HEATR6: variants seen among roughly 807,000 people sequenced by gnomAD.
The protein encoded by HEATR6 is HEAT repeat containing 6, also known as HEAT repeat-containing protein 6.
HEATR6 carries 106 observed loss-of-function variants against 132.8 expected under a neutral mutation model. The observed-to-expected ratio is 0.80, with a 90% CI of 0.68 to 0.94. The LOEUF (loss-of-function observed/expected upper bound fraction) is 0.94, where lower values mean the gene tolerates loss of function less well. HEATR6 is among the 40% of genes least tolerant of loss of function. HEATR6 has a pLI of 0.00. For missense variants in HEATR6, 1,339 were observed against 1,425.1 expected (o/e 0.94, Z 0.97); for synonymous variants, 529 against 537.8 (o/e 0.98, Z 0.23).
intron 8 of HEATR6, 150 bp downstream of exon 8, chr17:60,067,284 A>C (rs2083246668): frequency 2.2e-6 from 1 of 447,838 alleles, no homozygotes; most frequent in South Asian, 7.3e-5. Flanking sequence ...AAAAAAAAAA[A>C]AAAAAAGAGA....
chr17:60,068,868 A>G (rs747872875), intron 7 of HEATR6, among the ~76,000 whole-genome samples: 1 of 152,132 alleles, frequency 6.6e-6, no homozygotes, highest in African/African-American at 2.4e-5. Context: ...TTCTAATGAG[A>G]GAAACAATAA....
At position 60,067,653 on chromosome 17, in the gene HEATR6, A is replaced by G. The variant is rs747736995; in HGVS notation, c.1019T>C (p.Ile340Thr). The G allele has an allele frequency of 6.2e-6, 10 of 1,612,638 alleles. No individual in the cohort carries two copies. Among genetic ancestry groups the G allele is most frequent in the South Asian group, 1.1e-5 (1 of 90,854 alleles). The change falls in exon 8 of 20, where the codon ATA becomes ACA. Residue 340 changes from isoleucine to threonine, a missense_variant. Transcript: ENST00000184956. ...TGTGCCAGTGACTGGGGCTGCCTCT[A>G]TTTCACCACTGGATTCCTTTTCCTC... is the stretch of plus-strand genomic sequence containing the variant. ...EEEEKESSGE[I>T]EAAPVTGTGR...
chr17:60,048,183 C>A, intron 17 of HEATR6, 81 bp downstream of exon 17: 1 of 1,461,802 alleles, frequency 6.8e-7, no homozygotes, highest in Non-Finnish European at 9.3e-7. Context: ...ACTGCTGATT[C>A]TTTCATGGTA....
In HEATR6 at chr17:60,070,739, A is replaced by G. The variant is rs145515734; in HGVS notation, c.768T>C (p.Thr256=). 3 of 1,608,166 alleles carry G rather than the reference A, an allele frequency of 1.9e-6. No homozygotes were observed. The highest frequency in any genetic ancestry group is 2.7e-5 in the African/African-American group (2 of 74,788). The change falls in exon 6 of 20, where the codon ACT becomes ACC. Residue 256 remains threonine (T), a synonymous_variant. Coordinates refer to ENST00000184956, the MANE Select transcript of HEATR6 (RefSeq NM_022070.5). Reference sequence around the variant, plus strand: ...CAGCTAAAAGTGCTCCAAGTTCATCAGTCTGTGTTAGTTTCATTCTCCCAC... The same window carrying G: ...CAGCTAAAAGTGCTCCAAGTTCATCGGTCTGTGTTAGTTTCATTCTCCCAC... The part of the protein sequence containing the change: ...LNGGRMKLTQ[T]DELGALLAVL...
chr17:60,047,148 A>C (rs1906394785), intron 18 of HEATR6, among the ~76,000 whole-genome samples, 161 bp downstream of exon 18: 1 of 152,132 alleles, frequency 6.6e-6, no homozygotes, highest in African/African-American at 2.4e-5. Context: ...ACACGTGTGG[A>C]ATGGGCCATT....
intron 18 of HEATR6, 72 bp from the exon 19 acceptor site, chr17:60,046,301 T>TA (rs1906365795): frequency 2.4e-6 from 3 of 1,268,688 alleles, no homozygotes; most frequent in South Asian, 2.9e-5. Context: ...ATTTCAGCTT[T>TA]AAAAAAACCC....
intron 11 of HEATR6, among the ~76,000 whole-genome samples, chr17:60,058,996 A>G (rs908053131): frequency 2.0e-5 from 3 of 152,260 alleles, no homozygotes; most frequent in Non-Finnish European, 2.9e-5. Context: ...ATAACAATAA[A>G]GAAGTTAAAT....
At chr17:60,070,067 G>A (rs958035924) in intron 6 of HEATR6, among the ~76,000 whole-genome samples, 1 of 152,028 alleles carries the variant, frequency 6.6e-6, no homozygotes, top group Non-Finnish European at 1.5e-5. Context: ...GCCTCCAGCT[G>A]GATTTGGTTT....
intron 4 of HEATR6, 47 bp from the exon 5 acceptor site, chr17:60,072,376 T>C (rs2083273903): frequency 1.8e-6 from 2 of 1,117,748 alleles, no homozygotes; most frequent in African/African-American, 3.1e-5. Flanking sequence ...TCCTTTAAAA[T>C]GAGGCTTGCA....
chr17:60,067,589 G>A lies in HEATR6; in HGVS notation c.1083C>T (p.Pro361=). Reference sequence around the variant, plus strand: ...GCAAACTCTGGACACCCAGGGAGGAGGGACACCAAGTGTTCCCTTCATGCA... The same window carrying A: ...GCAAACTCTGGACACCCAGGGAGGAAGGACACCAAGTGTTCCCTTCATGCA... The part of the protein sequence containing the change: ...VNLHEGNTWC[P]SSLGVQSLPL... Residue 361 remains proline, a synonymous_variant, in exon 8 of 20, where the codon CCC becomes CCT. Transcript: ENST00000184956. The A allele has an allele frequency of 6.2e-7, 1 of 1,613,002 alleles. No homozygotes were observed. Among genetic ancestry groups the A allele is most frequent in the Non-Finnish European group, 8.5e-7 (1 of 1,179,578 alleles).
chr17:60,066,742 G>A (rs947582514), intron 8 of HEATR6, among the ~76,000 whole-genome samples: 1 of 152,158 alleles, frequency 6.6e-6, no homozygotes, highest in African/African-American at 2.4e-5. Flanking sequence ...CTATGTATGT[G>A]CCAGGCATCA....
In HEATR6 at chr17:60,057,076, G is replaced by C. The variant is rs143612411; in HGVS notation, c.2051C>G (p.Pro684Arg). Reference sequence around the variant, plus strand: ...TAAGGCCTCCAGTCGCATGGGGGATGGTTCGTAGGTGCTTCCTGCTGCAGA... The same window carrying C: ...TAAGGCCTCCAGTCGCATGGGGGATCGTTCGTAGGTGCTTCCTGCTGCAGA... ...AGSAAGSTYEPSPMRLEALQV... is the reference protein window; with the variant it reads ...AGSAAGSTYERSPMRLEALQV... The change falls in exon 12 of 20, where the codon CCA (proline) becomes CGA (arginine). Residue 684 changes from proline (P) to arginine (R), a missense_variant. Pro to Arg is a moderately radical substitution (Grantham distance 103). Transcript: ENST00000184956. 2 of 1,605,480 alleles carry C rather than the reference G, an allele frequency of 1.2e-6. No homozygotes were observed. Among genetic ancestry groups the C allele is most frequent in the Non-Finnish European group, 1.7e-6 (2 of 1,174,572 alleles).
intron 5 of HEATR6, among the ~76,000 whole-genome samples, chr17:60,071,775 C>T (rs1044832846): frequency 3.3e-5 from 5 of 152,002 alleles, no homozygotes; most frequent in African/African-American, 4.8e-5. Context: ...TGGCTATATC[C>T]GAGCAGGAGA....
At chr17:60,063,258 T>C (rs1332642217) in intron 9 of HEATR6, 1 of 152,196 alleles carries the variant, frequency 6.6e-6, no homozygotes, top group Non-Finnish European at 1.5e-5. Context: ...TATAGTTATC[T>C]GAAACAGCAA....
chr17:60,047,187 T>C, intron 18 of HEATR6, 122 bp downstream of exon 18: 1 of 608,686 alleles, frequency 1.6e-6, no homozygotes, highest in South Asian at 2.4e-5. Context: ...TCAGTCTCTT[T>C]TGAACAGGAG....
At chr17:60,058,047 C>T (rs1906811845) in intron 11 of HEATR6, among the ~76,000 whole-genome samples, 1 of 152,188 alleles carries the variant, frequency 6.6e-6, no homozygotes, top group African/African-American at 2.4e-5. Context: ...CAGGGAATGT[C>T]AGTCCTTCAG....
At position 60,057,231 on chromosome 17, in the gene HEATR6, T is replaced by C; in HGVS notation, c.1896A>G (p.Ala632=). The C allele has an allele frequency of 1.2e-6, 2 of 1,614,226 alleles. No homozygotes were observed. Among genetic ancestry groups the C allele is most frequent in the Non-Finnish European group, 8.5e-7 (1 of 1,180,044 alleles). ...SPPDWWKKAP[A]GPSLEETSVS... ...CTGACGTTTCTTCCAGAGAGGGTCC[T>C]GCAGGGGCTTTCTTCCACCAATCAG... The change falls in exon 12 of 20, where the codon GCA becomes GCG. Residue 632 remains alanine (A), a synonymous_variant. Transcript: ENST00000184956.
At position 60,062,777 on chromosome 17, in the gene HEATR6, A is replaced by C. The variant is rs1204604290; in HGVS notation, c.1417-2681T>G. On this transcript the variant is annotated intron_variant, in intron 9 of 19. Coordinates refer to ENST00000184956, the MANE Select transcript of HEATR6 (RefSeq NM_022070.5). The stretch of plus-strand genomic sequence containing the variant: ...TGTCCCCACCCAAATCTCAACTTGA[A>C]TTATATCTCCCAGCATTCTCACGTG... Among the ~76,000 whole-genome samples the C allele has an allele frequency of 1.3e-5, 2 of 152,188 alleles. 1 individual carries two copies.
intron 5 of HEATR6, among the ~76,000 whole-genome samples, chr17:60,071,865 T>C (rs952062503): frequency 6.6e-6 from 1 of 152,242 alleles, no homozygotes; most frequent in Non-Finnish European, 1.5e-5. Context: ...AACTGTCGTT[T>C]GCATCGTATT....
Sources: allele counts gnomAD v4.1 joint callset (sites outside exome capture counted in the v4.1 genomes callset), GRCh38; gene constraint gnomAD v4.1.1; transcripts MANE v1.5; gene names NCBI Gene and HGNC (gene_info 2026-07-23, HGNC 2026-07-21).